The following OVCH1 variants were observed in gnomAD, a reference collection of about 807,000 sequenced individuals.
The protein encoded by OVCH1 is ovochymase-1.
A neutral mutation model predicts 138.4 loss-of-function variants in OVCH1; 139 were observed. The ratio of observed to expected loss-of-function variants is 1.00; its 90% confidence interval spans 0.87 to 1.16. The LOEUF (loss-of-function observed/expected upper bound fraction) is 1.16. Ranked by LOEUF, OVCH1 falls within the 50% of genes most tolerant of loss-of-function variation. OVCH1 has a pLI of 0.00. For missense variants in OVCH1, 1,367 were observed against 1,357.9 expected, an observed-to-expected ratio of 1.01 and a Z score of -0.11; for synonymous variants, 453 against 467.8, an observed-to-expected ratio of 0.97 and a Z score of 0.41.
Position 29,493,958 on chromosome 12 carries a change from C to T in OVCH1, c.454+1327G>A, listed in dbSNP as rs537466913. On this transcript the variant is annotated intron_variant, in intron 4 of 27. Transcript: ENST00000318184. ...CTCAGAGAATTTATTTTGCTTTTGCCAGAGGCTGATTACTCACCTGGAACC... is the reference window on the plus strand; with the variant it reads ...CTCAGAGAATTTATTTTGCTTTTGCTAGAGGCTGATTACTCACCTGGAACC... Among the ~76,000 whole-genome samples the T allele has an allele frequency of 3.9e-5, 6 of 152,228 alleles. No individual in the cohort carries two copies. In the East Asian group the frequency reaches 1.2e-3, roughly 29 times the overall value.
Position 29,430,445 on chromosome 12 carries a change from G to A in OVCH1, c.3328-2797C>T, listed in dbSNP as rs925093771. 5.3e-5 allele frequency among the ~76,000 whole-genome samples: 8 copies of A among 152,294 alleles called. 1 individual carries two copies. The highest frequency in any genetic ancestry group is 4.1e-4 in the South Asian group (2 of 4,830). ...GACCATTAGGTGGGGGCAGGGCTAA[G>A]TGTGTCTGAGCTCAGACTCTCCTTG... On this transcript the variant is annotated intron_variant, in intron 27 of 27. Coordinates refer to ENST00000318184, the Ensembl canonical transcript of OVCH1.
exon 22 of OVCH1, chr12:29,451,516 G>A (rs777502175): frequency 9.9e-6 from 16 of 1,612,930 alleles, no homozygotes; most frequent in East Asian, 8.9e-5. Flanking sequence ...AGTAGATACC[G>A]TGGTGTGGGA....
chr12:29,441,808 A>G (rs11050232), intron 25 of OVCH1, among the ~76,000 whole-genome samples: 40,316 of 151,948 alleles, frequency 0.27, 7,923 homozygotes, highest in African/African-American at 0.56. Context: ...AAAAATGGGC[A>G]AAGGACATGA....
At chr12:29,442,445 G>A (rs1423278279) in intron 25 of OVCH1, among the ~76,000 whole-genome samples, 4 of 129,352 alleles carry the variant, frequency 3.1e-5, no homozygotes, top group African/African-American at 1.2e-4. Flanking sequence ...ACACAGGAAG[G>A]GGAACATCAC....
At chr12:29,441,030 T>C (rs1206049235) in intron 25 of OVCH1, among the ~76,000 whole-genome samples, 2 of 152,136 alleles carry the variant, frequency 1.3e-5, no homozygotes, top group Non-Finnish European at 2.9e-5. Flanking sequence ...GTGGGGTGTT[T>C]CCTCTCACAA....
chr12:29,425,257 T>C (rs1472771970), downstream of OVCH1, among the ~76,000 whole-genome samples: 1 of 152,224 alleles, frequency 6.6e-6, no homozygotes, highest in African/African-American at 2.4e-5. Context: ...CGGTATTTCA[T>C]TGATGACTTA....
Position 29,441,552 on chromosome 12 carries a change from T to C in OVCH1, c.3157+1809A>G, listed in dbSNP as rs1292744214. On this transcript the variant is annotated intron_variant, in intron 25 of 27. Coordinates refer to ENST00000318184, the Ensembl canonical transcript of OVCH1. ...AACCTAGGCATTACCATTCAGGACA[T>C]AGACATGGGCAAGGACTTCATGTCT... Among the ~76,000 whole-genome samples, 5 of 152,136 alleles carry C rather than the reference T, an allele frequency of 3.3e-5. No homozygotes were observed. The East Asian group carries it at 7.7e-4, about 23-fold the overall frequency.
rs138915900 is a variant in OVCH1, at chr12:29,464,193, A to G, written c.2125+314T>C. Among the ~76,000 whole-genome samples, 1,021 of 152,336 alleles carry G rather than the reference A, an allele frequency of 6.7e-3. 12 individuals carry two copies. The highest frequency in any genetic ancestry group is 0.024 in the African/African-American group (989 of 41,584). On this transcript the variant is annotated intron_variant, in intron 18 of 27. Transcript: ENST00000318184. ...ATAATGCCAATGGCTGCTTTATGCT[A>G]TAACAGTAGACTTAAATAGTTGTGA...
intron 3 of OVCH1, among the ~76,000 whole-genome samples, chr12:29,419,640 C>T (rs965775328): frequency 7.2e-5 from 11 of 151,938 alleles, no homozygotes; most frequent in Non-Finnish European, 1.3e-4. Context: ...GATAATGATT[C>T]TGTGCATTAT....
chr12:29,487,331 C>A, intron 7 of OVCH1: 1 of 176,258 alleles, frequency 5.7e-6, no homozygotes. Context: ...CAAGGTTGAA[C>A]AGGCAAAGTG....
intron 21 of OVCH1, among the ~76,000 whole-genome samples, chr12:29,453,716 A>G (rs1245110629): frequency 2.6e-5 from 4 of 152,000 alleles, no homozygotes; most frequent in Non-Finnish European, 2.9e-5. Flanking sequence ...ACTTTTTCAC[A>G]TACACTCTGA....
chr12:29,497,484 A>G (rs1037536691), intron 1 of OVCH1, 139 bp downstream of exon 1: 8 of 984,976 alleles, frequency 8.1e-6, no homozygotes, highest in Non-Finnish European at 1.2e-5. Flanking sequence ...AGCATGCACC[A>G]CCCCCTCACC....
intron 3 of OVCH1, among the ~76,000 whole-genome samples, chr12:29,415,714 A>G (rs754870320): frequency 6.6e-6 from 1 of 152,200 alleles, no homozygotes; most frequent in Non-Finnish European, 1.5e-5. Flanking sequence ...CATATAGTAA[A>G]TATGTGAATT....
At chr12:29,445,485 T>G (rs1941588729) in intron 22 of OVCH1, 82 bp from the exon 23 acceptor site, 2 of 1,338,060 alleles carry the variant, frequency 1.5e-6, no homozygotes, top group East Asian at 5.0e-5. Flanking sequence ...AGCAATTAAT[T>G]TAACCCACGA....
At chr12:29,422,544 CAG>C (rs758981406) in intron 3 of OVCH1, among the ~76,000 whole-genome samples, 18 of 152,140 alleles carry the variant, frequency 1.2e-4, no homozygotes, top group South Asian at 2.1e-4. Context: ...TGTTGAAGGA[CAG>C]AAAGTTTCAT....
Position 29,427,680 on chromosome 12 carries a change from A to G in OVCH1, c.3328-32T>C, listed in dbSNP as rs373896833. ...AATAAATATTTGTTGTTTGGAAACCACTCAGTCTATGGTATTTGTTATAGC... is the reference window on the plus strand; with the variant it reads ...AATAAATATTTGTTGTTTGGAAACCGCTCAGTCTATGGTATTTGTTATAGC... On this transcript the variant is annotated intron_variant, in intron 27 of 27. Transcript: ENST00000318184. 4.5e-6 allele frequency: 7 copies of G among 1,545,160 alleles called. No homozygotes were observed. The African/African-American group carries it at 9.6e-5, about 21-fold the overall frequency.
At chr12:29,471,965 G>C in exon 16 of OVCH1, 1 of 1,612,060 alleles carries the variant, frequency 6.2e-7, no homozygotes, top group South Asian at 1.1e-5. Flanking sequence ...GGACTAAATG[G>C]AGGGATGCCA....
At chr12:29,426,812 C>G (rs1941186726), downstream of OVCH1, among the ~76,000 whole-genome samples, 1 of 152,224 alleles carries the variant, frequency 6.6e-6, no homozygotes, top group African/African-American at 2.4e-5. Flanking sequence ...ATAGAACTTT[C>G]TGCAATGATG....
In OVCH1 at chr12:29,414,014, CTCTCTCTTTTTTTTT is replaced by C. The variant is rs2135873564; in HGVS notation, c.*72-1304_*72-1290del. On this transcript the variant is annotated intron_variant and NMD_transcript_variant, in intron 3 of 4. Coordinates refer to the OVCH1 transcript ENST00000539117. ...CCAGCAGCTGGCTTTTCTCCTCTCT[CTCTCTCTTTTTTTTT>C]TTTTTTTTTTTTTGGAGTATTGCTC... Among the ~76,000 whole-genome samples, 3 of 79,038 alleles carry C rather than the reference CTCTCTCTTTTTTTTT, an allele frequency of 3.8e-5. No individual in the cohort carries two copies. In the South Asian group the frequency reaches 1.2e-3, roughly 32 times the overall value. 51.9% of individuals were successfully genotyped at this position (79,038 alleles called of 152,430 possible).
Sources: allele counts gnomAD v4.1 joint callset (sites outside exome capture counted in the v4.1 genomes callset), GRCh38; gene constraint gnomAD v4.1.1; transcripts MANE v1.5; gene names NCBI Gene and HGNC (gene_info 2026-07-23, HGNC 2026-07-21).